The following ATP5MC3 variants were observed in gnomAD, a reference collection of about 807,000 sequenced individuals.
The protein encoded by ATP5MC3 is ATP synthase membrane subunit c locus 3.
ATP5MC3 carries 6 observed loss-of-function variants against 15.6 expected under a neutral mutation model. The ratio of observed to expected loss-of-function variants is 0.38; its 90% CI spans 0.21 to 0.76. ATP5MC3 has a LOEUF of 0.76. Among genes scored for constraint, ATP5MC3 ranks in the 30% least tolerant of loss-of-function variants. ATP5MC3 has a pLI of 0.44. For missense variants in ATP5MC3, 132 were observed against 171.2 expected (o/e 0.77, Z 1.28); for synonymous variants, 66 against 63.3 (o/e 1.04, Z -0.20).
chr2:175,179,124 C>A lies in ATP5MC3; in HGVS notation c.247G>T (p.Val83Leu). Reference sequence around the variant, plus strand: ...CCAGCACCAGAACCAGCCACTCCTACTGTTGCAGCACCTGCACCAATAAAT... The same window carrying A: ...CCAGCACCAGAACCAGCCACTCCTAATGTTGCAGCACCTGCACCAATAAAT... ...AKFIGAGAATVGVAGSGAGIG... is the reference protein window; with the variant it reads ...AKFIGAGAATLGVAGSGAGIG... The change falls in exon 4 of 5, where the codon GTA becomes TTA. Residue 83 changes from valine to leucine, a missense_variant. Val to Leu is a conservative substitution (Grantham distance 32). Around this residue, in one of 2 missense-constraint regions of ATP5MC3, gnomAD observed 42 missense variants for 85.0 expected, o/e 0.49. Transcript: ENST00000284727. The A allele has an allele frequency of 6.2e-7, 1 of 1,614,232 alleles. No homozygotes were observed. The highest frequency in any genetic ancestry group is 8.5e-7 in the Non-Finnish European group (1 of 1,180,040).
chr2:175,179,576 T>C (rs1013346272), intron 3 of ATP5MC3: 1 of 228,994 alleles, frequency 4.4e-6, no homozygotes, highest in Non-Finnish European at 8.5e-6. Context: ...GGTGTGATCA[T>C]AGCTCACTAT....
At chr2:175,178,875 G>A in intron 4 of ATP5MC3, 182 bp downstream of exon 4, 1 of 1,173,566 alleles carries the variant, frequency 8.5e-7, no homozygotes, top group Non-Finnish European at 1.1e-6. Flanking sequence ...CTTCATAGAT[G>A]TTATTCTCAT....
Position 175,180,155 on chromosome 2 carries a change from T to C in ATP5MC3, c.63A>G (p.Ala21=). 1 of 1,598,526 alleles carries C rather than the reference T, an allele frequency of 6.3e-7. No individual in the cohort carries two copies. Among genetic ancestry groups the C allele is most frequent in the Non-Finnish European group, 8.5e-7 (1 of 1,176,526 alleles). ...ACACTGATGCAGAAATTGGTCTGTA[T>C]GCAACTCTGGATCCAGCTCGGATCT... ...PSLIRAGSRV[A]YRPISASVLS... is the part of the protein sequence containing the mutation. The change falls in exon 3 of 5, where the codon GCA becomes GCG. Residue 21 remains alanine (A), a synonymous_variant. Coordinates refer to ENST00000284727, the MANE Select transcript of ATP5MC3 (RefSeq NM_001689.5).
chr2:175,179,413 T>A (rs1700736883), intron 3 of ATP5MC3, among the ~76,000 whole-genome samples, 163 bp from the exon 4 acceptor site: 1 of 152,236 alleles, frequency 6.6e-6, no homozygotes. Flanking sequence ...GTAACAGGGA[T>A]AACAATATCT....
Position 175,178,009 on chromosome 2 carries a change from TA to T in ATP5MC3, c.*278del. The T allele has an allele frequency of 3.6e-6, 1 of 280,688 alleles. No individual in the cohort carries two copies. Among genetic ancestry groups the T allele is most frequent in the Non-Finnish European group, 6.3e-6 (1 of 158,774 alleles). 17.4% of individuals were successfully genotyped at this position (280,688 alleles called of 1,614,324 possible). A position where few individuals can be genotyped will look rare whatever the true frequency, so the allele number is the denominator to read the frequency against. ...AGAACACTATATAAAAGAATTCCCA[TA>T]AAAATTACATTGGAATATTTTTCAT... On this transcript the variant is annotated 3_prime_UTR_variant, in exon 5 of 5. Transcript: ENST00000284727.
intron 2 of ATP5MC3, among the ~76,000 whole-genome samples, chr2:175,180,819 C>G (rs1389483982): frequency 6.6e-6 from 1 of 152,176 alleles, no homozygotes; most frequent in Non-Finnish European, 1.5e-5. Context: ...CTAGACCTCA[C>G]TTTAAGCCTG....
Position 175,180,115 on chromosome 2 carries a change from C to CCT in ATP5MC3, c.101_102dup (p.Ala35ArgfsTer22). ...ACTATTACCTCTCCAGTCCTACTAG[C>CCT]CTCTGGTCGAGATAACACTGATGCA... is the stretch of plus-strand genomic sequence containing the variant. On this transcript the variant is annotated frameshift_variant, in exon 3 of 5. Coordinates refer to ENST00000284727, the MANE Select transcript of ATP5MC3 (RefSeq NM_001689.5). LOFTEE classifies it high-confidence loss of function. The CCT allele has an allele frequency of 6.2e-7, 1 of 1,602,622 alleles. No individual in the cohort carries two copies. The highest frequency in any genetic ancestry group is 8.5e-7 in the Non-Finnish European group (1 of 1,177,366).
chr2:175,179,890 G>T lies in ATP5MC3; in HGVS notation c.120+208C>A, dbSNP rs1700743319. On this transcript the variant is annotated intron_variant, in intron 3 of 4. Transcript: ENST00000284727. ...TCAATAGACTTGAATATAAATACTT[G>T]GCCAAGTTTTGGATAGAGAAATTTC... The T allele has an allele frequency of 5.9e-6, 3 of 506,868 alleles. No homozygotes were observed. The South Asian group carries it at 8.4e-5, about 14-fold the overall frequency. The allele number at this position is 506,868 out of a possible 1,614,324, so 31.4% of individuals were successfully genotyped here.
chr2:175,178,930 C>T (rs1700727175), intron 4 of ATP5MC3, 127 bp downstream of exon 4: 2 of 1,390,356 alleles, frequency 1.4e-6, no homozygotes, highest in Non-Finnish European at 9.5e-7. Context: ...ATAATGCATA[C>T]AAAGCCCTTT....
At position 175,180,163 on chromosome 2, in the gene ATP5MC3, T is replaced by G. The variant is rs1412032398; in HGVS notation, c.55A>C (p.Arg19=). The change falls in exon 3 of 5, where the codon AGA becomes CGA. Residue 19 remains arginine (R), a synonymous_variant. Transcript: ENST00000284727. ...CTPSLIRAGS[R]VAYRPISASV... ...GCAGAAATTGGTCTGTATGCAACTC[T>G]GGATCCAGCTCGGATCTATTAATGA... 6 of 1,595,910 alleles carry G rather than the reference T, an allele frequency of 3.8e-6. No homozygotes were observed. The East Asian group carries it at 1.4e-4, about 36-fold the overall frequency.
At chr2:175,181,164 C>G (rs1700763248) in intron 2 of ATP5MC3, among the ~76,000 whole-genome samples, 191 bp downstream of exon 2, 1 of 152,244 alleles carries the variant, frequency 6.6e-6, no homozygotes, top group East Asian at 1.9e-4. Context: ...CTCTGCCTCG[C>G]CCTAGTGGCA....
In ATP5MC3 at chr2:175,178,464, T is replaced by C. The variant is rs575168732; in HGVS notation, c.315-62A>G. The C allele has an allele frequency of 6.3e-5, 97 of 1,548,330 alleles. No homozygotes were observed. The South Asian group carries it at 1.1e-3, about 17-fold the overall frequency. ...TTAATTTCAACATGTTTGGTAAATGTTAAAGAATCAGATTACTAGTGTGGG... is the reference window on the plus strand; with the variant it reads ...TTAATTTCAACATGTTTGGTAAATGCTAAAGAATCAGATTACTAGTGTGGG... On this transcript the variant is annotated intron_variant, in intron 4 of 4. Transcript: ENST00000284727.
intron 2 of ATP5MC3, 57 bp from the exon 3 acceptor site, chr2:175,180,235 T>G (rs1262995381): frequency 2.2e-5 from 30 of 1,334,006 alleles, no homozygotes; most frequent in Non-Finnish European, 3.0e-5. Context: ...AGGTAAGACT[T>G]CAATGACTTT....
chr2:175,179,119 T>G lies in ATP5MC3; in HGVS notation c.252A>C (p.Gly84=). The G allele has an allele frequency of 1.9e-6, 3 of 1,614,192 alleles. No individual in the cohort carries two copies. The highest frequency in any genetic ancestry group is 2.5e-6 in the Non-Finnish European group (3 of 1,180,034). Residue 84 remains glycine (G), a synonymous_variant, in exon 4 of 5, where the codon GGA becomes GGC. Transcript: ENST00000284727. ...KFIGAGAATV[G]VAGSGAGIGT... ...CAATACCAGCACCAGAACCAGCCAC[T>G]CCTACTGTTGCAGCACCTGCACCAA...
intron 1 of ATP5MC3, 76 bp downstream of exon 1, chr2:175,181,580 G>A (rs1325110557): frequency 3.0e-6 from 2 of 672,128 alleles, no homozygotes; most frequent in Non-Finnish European, 5.0e-6. Flanking sequence ...CCAGTGAGGC[G>A]CCGGCACAAT....
intron 3 of ATP5MC3, 48 bp downstream of exon 3, chr2:175,180,050 T>C: frequency 7.0e-7 from 1 of 1,436,836 alleles, no homozygotes; most frequent in Non-Finnish European, 9.5e-7. Context: ...ATCAAAACCC[T>C]ACCCTTATTT....
rs191880881 is a variant in ATP5MC3, at chr2:175,176,971, A to G, written c.*1317T>C. On this transcript the variant is annotated 3_prime_UTR_variant, in exon 5 of 5. Coordinates refer to ENST00000284727, the MANE Select transcript of ATP5MC3 (RefSeq NM_001689.5). Reference sequence around the variant, plus strand: ...GTTTTTGTTTGAATACCTATTTCCAATTCTTTTGGGTGATATAGACTAGAT... The same window carrying G: ...GTTTTTGTTTGAATACCTATTTCCAGTTCTTTTGGGTGATATAGACTAGAT... The G allele has an allele frequency of 1.4e-4, 22 of 152,204 alleles. No homozygotes were observed. In the East Asian group the frequency reaches 3.5e-3, roughly 24 times the overall value. 9.4% of individuals were successfully genotyped at this position (152,204 alleles called of 1,614,324 possible). A position where few individuals can be genotyped will look rare whatever the true frequency, so the allele number is the denominator to read the frequency against.
rs1574544829 is a variant in ATP5MC3 at position 175,179,167 on chromosome 2, G to C, written c.204C>G (p.Asp68Glu). ...REFQTSAISRDIDTAAKFIGA... is the reference protein window; with the variant it reads ...REFQTSAISREIDTAAKFIGA... ...CAATAAATTTGGCAGCAGTATCAATGTCTCTGCTGATTGCACTGGTCTGAA... is the reference window on the plus strand; with the variant it reads ...CAATAAATTTGGCAGCAGTATCAATCTCTCTGCTGATTGCACTGGTCTGAA... Residue 68 changes from aspartate to glutamate, a missense_variant, in exon 4 of 5, where the codon GAC (aspartate) becomes GAG (glutamate). This residue lies in a region of ATP5MC3 where 90 missense variants were observed against 86.2 expected (regional missense o/e 1.04). Coordinates refer to ENST00000284727, the MANE Select transcript of ATP5MC3 (RefSeq NM_001689.5). 4.3e-6 allele frequency: 7 copies of C among 1,614,058 alleles called. No individual in the cohort carries two copies. The highest frequency in any genetic ancestry group is 5.9e-6 in the Non-Finnish European group (7 of 1,180,048).
chr2:175,180,154 A>T lies in ATP5MC3; in HGVS notation c.64T>A (p.Tyr22Asn). 1 of 1,598,812 alleles carries T rather than the reference A, an allele frequency of 6.3e-7. No individual in the cohort carries two copies. ...AACACTGATGCAGAAATTGGTCTGT[A>T]TGCAACTCTGGATCCAGCTCGGATC... is the stretch of plus-strand genomic sequence containing the variant. ...SLIRAGSRVA[Y>N]RPISASVLSR... Residue 22 changes from tyrosine to asparagine, a missense_variant, in exon 3 of 5, where the codon TAC becomes AAC. Physicochemically the swap from Tyr to Asn is moderately radical, Grantham distance 143. Around this residue, in one of 2 missense-constraint regions of ATP5MC3, gnomAD observed 90 missense variants for 86.2 expected, o/e 1.04. Coordinates refer to ENST00000284727, the MANE Select transcript of ATP5MC3 (RefSeq NM_001689.5).
Sources: allele counts gnomAD v4.1 joint callset (sites outside exome capture counted in the v4.1 genomes callset), GRCh38; gene constraint gnomAD v4.1.1; regional missense constraint gnomAD v4.1.1; transcripts MANE v1.5; gene names NCBI Gene and HGNC (gene_info 2026-07-23, HGNC 2026-07-21).